Variants in DIP2C observed in about 807,000 individuals in gnomAD.
The protein encoded by DIP2C is disco-interacting protein 2 homolog C.
DIP2C carries 33 observed loss-of-function variants against 192.4 expected under a neutral mutation model. The ratio of observed to expected loss-of-function variants is 0.17; its 90% CI spans 0.13 to 0.23. The LOEUF is 0.23. Ranked by LOEUF, DIP2C falls within the 10% of genes least tolerant of loss-of-function variation. The pLI is 1.00. For missense variants in DIP2C, 1,537 were observed against 2,110.1 expected (o/e 0.73, Z 5.32); for synonymous variants, 979 against 864.1 (o/e 1.13, Z -2.33).
intron 1 of DIP2C, among the ~76,000 whole-genome samples, chr10:565,460 A>G (rs74680058): frequency 0.016 from 2,376 of 152,154 alleles, 34 homozygotes; most frequent in South Asian, 0.037. Flanking sequence ...CAGCAACTAC[A>G]GTCAGCCCAG....
chr10:399,479 C>G lies in DIP2C; in HGVS notation c.1150-260G>C, dbSNP rs554837941. ...ATTTTCTGCATACTACCTTCCATAC[C>G]CACACGTTTCCACATAGATGAAGTT... On this transcript the variant is annotated intron_variant, in intron 9 of 36. Coordinates refer to ENST00000280886, the MANE Select transcript of DIP2C (RefSeq NM_014974.3). Among the ~76,000 whole-genome samples, 5 of 152,254 alleles carry G rather than the reference C, an allele frequency of 3.3e-5. No homozygotes were observed. In the East Asian group the frequency reaches 9.6e-4, roughly 29 times the overall value.
chr10:362,066 G>GA (rs61354121), intron 22 of DIP2C, among the ~76,000 whole-genome samples: 77 of 145,368 alleles, frequency 5.3e-4, no homozygotes, highest in African/African-American at 9.9e-4. Flanking sequence ...TGGTGTGGGG[G>GA]AAAAAAAAAA....
chr10:628,173 G>T (rs1177279823), intron 1 of DIP2C, among the ~76,000 whole-genome samples: 2 of 152,130 alleles, frequency 1.3e-5, no homozygotes, highest in African/African-American at 4.8e-5. Flanking sequence ...AGCAGATTAG[G>T]ATTCAAACCA....
chr10:369,874 C>G (rs865778981), intron 17 of DIP2C: 2 of 1,375,274 alleles, frequency 1.5e-6, no homozygotes, highest in East Asian at 2.7e-5. Context: ...CACCCGTAAA[C>G]TACCAACGCA....
intron 1 of DIP2C, chr10:650,320 G>C (rs768779481): frequency 4.6e-5 from 33 of 716,554 alleles, no homozygotes; most frequent in African/African-American, 4.5e-4. Flanking sequence ...CGGGGCTGTG[G>C]ACCACGCCAG....
intron 32 of DIP2C, among the ~76,000 whole-genome samples, chr10:294,621 A>G (rs1417803463): frequency 6.6e-6 from 1 of 152,068 alleles, no homozygotes; most frequent in African/African-American, 2.4e-5. Flanking sequence ...AAGAGAAGAA[A>G]AAAATGCATT....
At chr10:460,810 G>A (rs1969711835) in intron 3 of DIP2C, among the ~76,000 whole-genome samples, 1 of 152,154 alleles carries the variant, frequency 6.6e-6, no homozygotes, top group African/African-American at 2.4e-5. Flanking sequence ...AGAGAGAAAG[G>A]TAGGGTTACC....
At chr10:537,300 T>G (rs906226815) in intron 1 of DIP2C, among the ~76,000 whole-genome samples, 125 of 152,156 alleles carry the variant, frequency 8.2e-4, no homozygotes, top group Non-Finnish European at 2.1e-4. Context: ...AGAATCTCTG[T>G]GATTTCGGGG....
At chr10:442,767 T>C (rs1053967719) in intron 3 of DIP2C, among the ~76,000 whole-genome samples, 1 of 152,220 alleles carries the variant, frequency 6.6e-6, no homozygotes, top group Non-Finnish European at 1.5e-5. Context: ...ACATACATTT[T>C]CCTCAAGATC....
At chr10:514,059 C>T (rs1846196977) in intron 1 of DIP2C, among the ~76,000 whole-genome samples, 1 of 152,184 alleles carries the variant, frequency 6.6e-6, no homozygotes. Context: ...GAGCAAGTTC[C>T]CCAGCAGTGC....
intron 2 of DIP2C, among the ~76,000 whole-genome samples, chr10:477,956 G>A (rs1456543229): frequency 3.1e-4 from 27 of 87,006 alleles, no homozygotes; most frequent in South Asian, 3.1e-3. Flanking sequence ...AAGAAGGAAA[G>A]AAAAGAGAAG....
intron 3 of DIP2C, among the ~76,000 whole-genome samples, chr10:441,700 C>T (rs1039973463): frequency 1.3e-5 from 2 of 152,200 alleles, no homozygotes; most frequent in Admixed American, 1.3e-4. Flanking sequence ...CCCAGCCATG[C>T]GGAACTGCAA....
At chr10:414,904 ATATTT>A (rs1303245363) in intron 7 of DIP2C, among the ~76,000 whole-genome samples, 14 of 77,794 alleles carry the variant, frequency 1.8e-4, no homozygotes, top group Non-Finnish European at 2.6e-4. Context: ...ATATATATAT[ATATTT>A]TTTTTTTTTT....
At position 649,149 on chromosome 10, in the gene DIP2C, G is replaced by C. The variant is rs534906870; in HGVS notation, c.85+40345C>G. ...CGAAACTTAGTCCACGTCCACAGTG[G>C]ACGGTGGGCGAGAACAGAGGGAAAC... On this transcript the variant is annotated intron_variant, in intron 1 of 36. Transcript: ENST00000280886. Among the ~76,000 whole-genome samples, 23 of 150,730 alleles carry C rather than the reference G, an allele frequency of 1.5e-4. 1 individual carries two copies. Among genetic ancestry groups the C allele is most frequent in the Admixed American group, 1.3e-3 (20 of 15,146 alleles).
At position 304,664 on chromosome 10, in the gene DIP2C, AACAC is replaced by A. The variant is rs1325247722; in HGVS notation, c.3986+5363_3986+5366del. Among the ~76,000 whole-genome samples, 15 of 147,178 alleles carry A rather than the reference AACAC, an allele frequency of 1.0e-4. No individual in the cohort carries two copies. The East Asian group carries it at 2.8e-3, about 28-fold the overall frequency. ...AGACTCAGTGTGCATGTGCACATGCAACACACACACAATACTCACATAGCCCACA... is the reference window on the plus strand; with the variant it reads ...AGACTCAGTGTGCATGTGCACATGCAACACACAATACTCACATAGCCCACA... On this transcript the variant is annotated intron_variant, in intron 32 of 36. Transcript: ENST00000280886.
At chr10:545,041 G>A (rs777333637) in intron 1 of DIP2C, among the ~76,000 whole-genome samples, 11 of 151,958 alleles carry the variant, frequency 7.2e-5, no homozygotes, top group South Asian at 2.1e-4. Flanking sequence ...CTGTGTCCCC[G>A]CAAGATTCCC....
intron 1 of DIP2C, among the ~76,000 whole-genome samples, chr10:582,491 G>T (rs1216609572): frequency 1.3e-5 from 2 of 152,224 alleles, no homozygotes; most frequent in East Asian, 3.9e-4. Context: ...ACTGAGGTGG[G>T]AGGATCGCCT....
intron 14 of DIP2C, among the ~76,000 whole-genome samples, chr10:384,914 G>C (rs559732358): frequency 3.3e-5 from 5 of 151,984 alleles, no homozygotes; most frequent in African/African-American, 1.2e-4. Flanking sequence ...GCAGCTCTCA[G>C]GGAGCGCCGC....
chr10:381,541 G>A (rs1404919806), intron 17 of DIP2C, among the ~76,000 whole-genome samples: 1 of 152,166 alleles, frequency 6.6e-6, no homozygotes, highest in African/African-American at 2.4e-5. Context: ...GGTGGGCCGT[G>A]TCCAGAGACC....
Sources: allele counts gnomAD v4.1 joint callset (sites outside exome capture counted in the v4.1 genomes callset), GRCh38; gene constraint gnomAD v4.1.1; transcripts MANE v1.5; gene names NCBI Gene and HGNC (gene_info 2026-07-23, HGNC 2026-07-21).